PIWIL3: variants seen among roughly 807,000 people sequenced by gnomAD.
PIWIL3 encodes the protein piwi like RNA-mediated gene silencing 3, also known as piwi-like protein 3.
A neutral mutation model predicts 109.7 loss-of-function variants in PIWIL3; 101 were observed. The ratio of observed to expected loss-of-function variants is 0.92; its 90% CI spans 0.78 to 1.09. PIWIL3 has a LOEUF of 1.09. PIWIL3 is among the 50% of genes least tolerant of loss of function. The pLI, the probability that PIWIL3 is intolerant of heterozygous loss-of-function variation, is 0.00. For synonymous variants in PIWIL3, 373 were observed against 376.4 expected, an observed-to-expected ratio of 0.99 and a Z score of 0.10; for missense variants, 1,031 against 1,072.6, an observed-to-expected ratio of 0.96 and a Z score of 0.54.
At chr22:24,757,258 T>C (rs1925105649) in intron 4 of PIWIL3, among the ~76,000 whole-genome samples, 1 of 151,976 alleles carries the variant, frequency 6.6e-6, no homozygotes, top group South Asian at 2.1e-4. Context: ...TTAGAACATT[T>C]GTGGTTTCCA....
intron 12 of PIWIL3, among the ~76,000 whole-genome samples, chr22:24,738,367 C>T (rs1189288493): frequency 6.6e-6 from 1 of 152,206 alleles, no homozygotes; most frequent in Non-Finnish European, 1.5e-5. Context: ...GCTGCTTTAC[C>T]ACTTGATTGC....
intron 3 of PIWIL3, among the ~76,000 whole-genome samples, chr22:24,759,178 C>T (rs1164721858): frequency 6.6e-6 from 1 of 152,096 alleles, no homozygotes; most frequent in Non-Finnish European, 1.5e-5. Flanking sequence ...AGCCACTGCA[C>T]CCAGTCCATG....
rs1924216492 is a variant in PIWIL3 at position 24,744,223 on chromosome 22, T to C, written c.1449+4684A>G. On this transcript the variant is annotated intron_variant, in intron 12 of 20. Coordinates refer to ENST00000616349, the MANE Select transcript of PIWIL3 (RefSeq NM_001255975.1). ...AAAAAAAAAACAATGATCTGCTGCCTGCAAAAAACACTTGACCTATAAAGA... is the reference window on the plus strand; with the variant it reads ...AAAAAAAAAACAATGATCTGCTGCCCGCAAAAAACACTTGACCTATAAAGA... 6.2e-5 allele frequency among the ~76,000 whole-genome samples: 6 copies of C among 97,150 alleles called. No individual in the cohort carries two copies. In the South Asian group the frequency reaches 2.2e-3, roughly 35 times the overall value. 63.7% of individuals were successfully genotyped at this position (97,150 alleles called of 152,430 possible).
chr22:24,756,344 G>A lies in PIWIL3; in HGVS notation c.570+147C>T, dbSNP rs139546832. ...TTGAATATCAGTGATAACCGAACATGGCACATAGGTTTCACAACAAGTCAT... is the reference window on the plus strand; with the variant it reads ...TTGAATATCAGTGATAACCGAACATAGCACATAGGTTTCACAACAAGTCAT... On this transcript the variant is annotated intron_variant, in intron 5 of 20. Coordinates refer to ENST00000616349, the MANE Select transcript of PIWIL3 (RefSeq NM_001255975.1). The A allele has an allele frequency of 1.9e-3, 1,329 of 705,278 alleles. 10 individuals are homozygous for A. The African/African-American group carries it at 0.021, about 11-fold the overall frequency. 43.7% of individuals were successfully genotyped at this position (705,278 alleles called of 1,614,324 possible).
intron 12 of PIWIL3, among the ~76,000 whole-genome samples, chr22:24,743,352 C>G (rs557850154): frequency 9.9e-5 from 15 of 152,150 alleles, no homozygotes; most frequent in Non-Finnish European, 1.9e-4. Flanking sequence ...AGGTATCTGC[C>G]CAGAGGAAAA....
At position 24,749,798 on chromosome 22, in the gene PIWIL3, CTG is replaced by C; in HGVS notation, c.1109_1110del (p.Thr370SerfsTer23). ...YYRQQHKEIV[T>X]VKKQPLLVSQ... is the part of the protein sequence containing the mutation. ...CTGACCAAAAGTGGCTGTTTCTTCA[CTG>C]TGACAATTTCTTTATGTTGCTGCTC... On this transcript the variant is annotated frameshift_variant, in exon 10 of 21. Transcript: ENST00000616349. LOFTEE classifies it high-confidence loss of function. 1 of 1,613,938 alleles carries C rather than the reference CTG, an allele frequency of 6.2e-7. No individual in the cohort carries two copies. The highest frequency in any genetic ancestry group is 8.5e-7 in the Non-Finnish European group (1 of 1,179,990).
chr22:24,744,554 C>G (rs1446883357), intron 12 of PIWIL3, among the ~76,000 whole-genome samples: 1 of 152,012 alleles, frequency 6.6e-6, no homozygotes, highest in African/African-American at 2.4e-5. Context: ...GCCTGGGCGA[C>G]AGAGCAAGAC....
At chr22:24,738,971 G>A (rs537048333) in intron 12 of PIWIL3, among the ~76,000 whole-genome samples, 1 of 152,196 alleles carries the variant, frequency 6.6e-6, no homozygotes, top group South Asian at 2.1e-4. Context: ...AGAAATTCAA[G>A]ATAACAGAAA....
At chr22:24,743,417 G>A (rs1025441431) in intron 12 of PIWIL3, among the ~76,000 whole-genome samples, 4 of 152,128 alleles carry the variant, frequency 2.6e-5, no homozygotes, top group East Asian at 1.9e-4. Flanking sequence ...CACAGTTTGC[G>A]ATCACAAAAA....
At chr22:24,720,906 T>C (rs1274671264) in intron 19 of PIWIL3, among the ~76,000 whole-genome samples, 5 of 152,240 alleles carry the variant, frequency 3.3e-5, no homozygotes, top group Admixed American at 6.5e-5. Flanking sequence ...TTTGACCTCA[T>C]AATTCTTTTT....
Position 24,735,788 on chromosome 22 carries a change from A to G in PIWIL3, c.1554T>C (p.Ser518=). 6.2e-7 allele frequency: 1 copy of G among 1,614,044 alleles called. No individual in the cohort carries two copies. Among genetic ancestry groups the G allele is most frequent in the Non-Finnish European group, 8.5e-7 (1 of 1,179,922 alleles). ...CCTTTAAGGACATGGCTTCTCTGTG[A>G]CTGCTCCTGCTATAGAGTATGAGCC... ...HSWLILYSRS[S]HREAMSLKGH... is the part of the protein sequence containing the mutation. The change falls in exon 13 of 21, where the codon AGT becomes AGC. Residue 518 remains serine (S), a synonymous_variant. Transcript: ENST00000616349.
At chr22:24,741,179 T>C (rs1036110825) in intron 12 of PIWIL3, among the ~76,000 whole-genome samples, 1 of 152,216 alleles carries the variant, frequency 6.6e-6, no homozygotes, top group African/African-American at 2.4e-5. Context: ...TCTCAATAGA[T>C]GCAGAAAAAG....
intron 2 of PIWIL3, 99 bp downstream of exon 2, chr22:24,762,299 C>T (rs1436231484): frequency 6.7e-7 from 1 of 1,499,854 alleles, no homozygotes; most frequent in Non-Finnish European, 8.9e-7. Context: ...CCTCACTTAG[C>T]ACTATACCTG....
At chr22:24,751,703 G>T (rs1924720553) in intron 8 of PIWIL3, among the ~76,000 whole-genome samples, 1 of 152,200 alleles carries the variant, frequency 6.6e-6, no homozygotes, top group South Asian at 2.1e-4. Context: ...CAATCATCAA[G>T]ACAAAGCAGC....
At chr22:24,744,003 A>C (rs560227921) in intron 12 of PIWIL3, among the ~76,000 whole-genome samples, 1 of 152,058 alleles carries the variant, frequency 6.6e-6, no homozygotes, top group East Asian at 1.9e-4. Flanking sequence ...AAAACAAACA[A>C]GTTATAGCAT....
At chr22:24,758,096 CA>C in intron 3 of PIWIL3, 57 bp from the exon 4 acceptor site, 2 of 1,547,306 alleles carry the variant, frequency 1.3e-6, no homozygotes, top group East Asian at 4.6e-5. Flanking sequence ...ATAGAAAAGA[CA>C]GCATTAACAC....
At chr22:24,741,503 C>CA (rs1315463862) in intron 12 of PIWIL3, among the ~76,000 whole-genome samples, 5 of 151,414 alleles carry the variant, frequency 3.3e-5, no homozygotes, top group Non-Finnish European at 7.4e-5. Flanking sequence ...GAATTTGTTT[C>CA]AAAAAAACAA....
chr22:24,755,410 A>G (rs1050348030), intron 6 of PIWIL3, among the ~76,000 whole-genome samples: 1 of 152,262 alleles, frequency 6.6e-6, no homozygotes, highest in African/African-American at 2.4e-5. Flanking sequence ...GGCGTGAGCC[A>G]CCACGCCCGG....
rs147636783 is a variant in PIWIL3, at chr22:24,770,908, A to G, written c.-23+3414T>C. 4.7e-4 allele frequency among the ~76,000 whole-genome samples: 72 copies of G among 151,974 alleles called. No individual in the cohort carries two copies. The East Asian group carries it at 0.014, about 29-fold the overall frequency. Reference sequence around the variant, plus strand: ...CCAAGCATGAAGACCCAGCTACAGAATTCTCCCCTACCTAGGGGGATGGTC... The same window carrying G: ...CCAAGCATGAAGACCCAGCTACAGAGTTCTCCCCTACCTAGGGGGATGGTC... On this transcript the variant is annotated intron_variant, in intron 1 of 20. Transcript: ENST00000616349.
Sources: gnomAD v4.1 joint callset for allele counts (sites outside exome capture counted in the v4.1 genomes callset) on GRCh38, gnomAD v4.1.1 for gene constraint, MANE v1.5 for transcripts, NCBI Gene and HGNC (gene_info 2026-07-23, HGNC 2026-07-21) for gene names.